The following PTPRN2 variants were observed in gnomAD, a reference collection of about 807,000 sequenced individuals.
PTPRN2 encodes the protein receptor-type tyrosine-protein phosphatase N2.
A neutral mutation model predicts 118.8 loss-of-function variants in PTPRN2; 74 were observed. That is an observed-to-expected ratio of 0.62 (90% CI 0.52 to 0.76). PTPRN2 has a LOEUF of 0.76. PTPRN2 is among the 30% of genes least tolerant of loss of function. The pLI is 0.00. For synonymous variants in PTPRN2, 641 were observed against 608.0 expected, an observed-to-expected ratio of 1.05 and a Z score of -0.80; for missense variants, 1,481 against 1,394.4, an observed-to-expected ratio of 1.06 and a Z score of -0.99.
At position 158,526,547 on chromosome 7, in the gene PTPRN2, G is replaced by C. The variant is rs1403843727; in HGVS notation, c.113-36762C>G. On this transcript the variant is annotated intron_variant, in intron 1 of 22. Transcript: ENST00000389418. The surrounding 1 kb of genome is among the most constrained non-coding windows in gnomAD (Gnocchi z 5.2). ...CCATTCCTGATCCCATTTCCTGTTT[G>C]TGGGTGTGATGGCTGAGTTGTGCAC... Among the ~76,000 whole-genome samples the C allele has an allele frequency of 1.3e-5, 2 of 152,176 alleles. No individual in the cohort carries two copies. Among genetic ancestry groups the C allele is most frequent in the East Asian group, 1.9e-4 (1 of 5,188 alleles).
chr7:158,499,785 ATGTGTGTGTG>A (rs760084326), intron 1 of PTPRN2, among the ~76,000 whole-genome samples: 4 of 143,706 alleles, frequency 2.8e-5, no homozygotes, highest in East Asian at 4.5e-4. Context: ...ATATGTGTGT[ATGTGTGTGTG>A]TGTGTGTGTG....
At chr7:158,584,147 G>C (rs74943110) in intron 1 of PTPRN2, among the ~76,000 whole-genome samples, 1,748 of 152,224 alleles carry the variant, frequency 0.011, 33 homozygotes, top group African/African-American at 0.035. Context: ...CTGGATTCTC[G>C]AAGCAAAATC....
At chr7:158,328,614 G>C (rs56699267) in intron 2 of PTPRN2, among the ~76,000 whole-genome samples, 3,197 of 152,232 alleles carry the variant, frequency 0.021, 106 homozygotes, top group African/African-American at 0.072. Context: ...AGCTTCCCTT[G>C]TGTGAGGAGC....
intron 17 of PTPRN2, among the ~76,000 whole-genome samples, chr7:157,581,909 C>T (rs772962598): frequency 3.9e-5 from 6 of 152,142 alleles, no homozygotes; most frequent in Non-Finnish European, 2.9e-5. Context: ...AGCGGCCACG[C>T]GCAGACAGGC....
chr7:158,454,875 A>G (rs932015235), intron 2 of PTPRN2, among the ~76,000 whole-genome samples: 1 of 152,178 alleles, frequency 6.6e-6, no homozygotes, highest in African/African-American at 2.4e-5. Flanking sequence ...TCAAAAACAG[A>G]GATGACGGCT....
chr7:157,559,442 C>G (rs1212053273), intron 21 of PTPRN2, among the ~76,000 whole-genome samples: 3 of 151,950 alleles, frequency 2.0e-5, no homozygotes, highest in South Asian at 4.2e-4. Flanking sequence ...GCTGGACGAG[C>G]AGAGGAATGA....
chr7:157,986,246 T>C lies in PTPRN2; in HGVS notation c.1724-87509A>G, dbSNP rs1418279990. Among the ~76,000 whole-genome samples the C allele has an allele frequency of 1.3e-5, 2 of 152,152 alleles. No homozygotes were observed. Among genetic ancestry groups the C allele is most frequent in the African/African-American group, 4.8e-5 (2 of 41,426 alleles). On this transcript the variant is annotated intron_variant, in intron 11 of 22. Transcript: ENST00000389418. This position sits in a 1 kb window ranked among gnomAD's most constrained non-coding sequence, Gnocchi z 4.5. ...ATGTCTGCCTCTGACGAGTCACTGT[T>C]GGATGTGAGGCAACGTGAAGGCTCC...
Position 157,611,648 on chromosome 7 carries a change from G to C in PTPRN2, c.2345-7573C>G, listed in dbSNP as rs1802345027. On this transcript the variant is annotated intron_variant, in intron 15 of 22. Transcript: ENST00000389418. The surrounding 1 kb of genome is among the most constrained non-coding windows in gnomAD (Gnocchi z 5.9). ...GGCCCTAATGCAATATGACTGGCGT[G>C]CTGTTAGGAAGAAGGACTCTGCACA... 6.6e-6 allele frequency among the ~76,000 whole-genome samples: 1 copy of C among 152,178 alleles called. No individual in the cohort carries two copies. Among genetic ancestry groups the C allele is most frequent in the Non-Finnish European group, 1.5e-5 (1 of 68,040 alleles).
chr7:157,799,818 ACCACAGCCGGCCCCC>A, intron 12 of PTPRN2, among the ~76,000 whole-genome samples: 3 of 126,144 alleles, frequency 2.4e-5, no homozygotes, highest in African/African-American at 9.4e-5. Context: ...CCTCAGAGGC[ACCACAGCCGGCCCCC>A]TCCATCCCTC....
chr7:157,713,336 G>A (rs577165715), intron 12 of PTPRN2, among the ~76,000 whole-genome samples: 9 of 152,284 alleles, frequency 5.9e-5, no homozygotes, highest in South Asian at 2.1e-4. Context: ...CCCACGGCAC[G>A]TTTCTAGAGA....
At chr7:158,496,168 C>A (rs1821828140) in intron 1 of PTPRN2, among the ~76,000 whole-genome samples, 1 of 151,746 alleles carries the variant, frequency 6.6e-6, no homozygotes, top group Non-Finnish European at 1.5e-5. Context: ...AAAGCCCAGT[C>A]CCAGTCTGGG....
intron 11 of PTPRN2, among the ~76,000 whole-genome samples, chr7:157,951,885 C>T (rs1338493496): frequency 6.6e-6 from 1 of 152,184 alleles, no homozygotes; most frequent in African/African-American, 2.4e-5. Context: ...GGCTGCCCCC[C>T]TCTCTTCATT....
At position 157,849,320 on chromosome 7, in the gene PTPRN2, G is replaced by A. The variant is rs577060898; in HGVS notation, c.1788+49353C>T. The stretch of plus-strand genomic sequence containing the variant: ...CACCGTCATTCCCAGTGTGTGAGCT[G>A]GGGCCATCCGGAAGTTGCGATTCAT... On this transcript the variant is annotated intron_variant, in intron 12 of 22. Transcript: ENST00000389418. 5.3e-5 allele frequency among the ~76,000 whole-genome samples: 8 copies of A among 152,332 alleles called. No homozygotes were observed. The East Asian group carries it at 1.5e-3, about 29-fold the overall frequency.
rs188429119 is a variant in PTPRN2, at chr7:157,695,808, A to G, written c.1789-12871T>C. Among the ~76,000 whole-genome samples, 446 of 152,382 alleles carry G rather than the reference A, an allele frequency of 2.9e-3. 2 individuals carry two copies. Among genetic ancestry groups the G allele is most frequent in the African/African-American group, 0.01 (430 of 41,592 alleles). ...AGTCCATTGCAACAATAGGGCAGTG[A>G]AACAACTGCATCTTAGTAGAGCCCT... is the stretch of plus-strand genomic sequence containing the variant. On this transcript the variant is annotated intron_variant, in intron 12 of 22. Coordinates refer to ENST00000389418, the MANE Select transcript of PTPRN2 (RefSeq NM_002847.5).
rs75297817 is a variant in PTPRN2, at chr7:158,483,225, T to A, written c.163+6510A>T. Among the ~76,000 whole-genome samples the A allele has an allele frequency of 7.4e-3, 1,127 of 152,368 alleles. 17 individuals carry two copies. The highest frequency in any genetic ancestry group is 0.026 in the African/African-American group (1,069 of 41,574). ...GGGTTTTCTCTTATTAATCTGTCTTTTGTTACAAGTCTCAGCCATGAACCT... is the reference window on the plus strand; with the variant it reads ...GGGTTTTCTCTTATTAATCTGTCTTATGTTACAAGTCTCAGCCATGAACCT... On this transcript the variant is annotated intron_variant, in intron 2 of 22. Transcript: ENST00000389418.
intron 11 of PTPRN2, among the ~76,000 whole-genome samples, chr7:158,002,490 C>T (rs1024617595): frequency 2.0e-5 from 3 of 152,240 alleles, no homozygotes; most frequent in East Asian, 1.9e-4. Context: ...GCCTCGTGAG[C>T]CGGATGGCAA....
rs187839593 is a variant in PTPRN2 at position 158,301,675 on chromosome 7, G to A, written c.277+15144C>T. ...TTAAGAACAATCCCATTTGCTGGGCGTGGTGGCCCATTCCTATAATCCCAG... is the reference window on the plus strand; with the variant it reads ...TTAAGAACAATCCCATTTGCTGGGCATGGTGGCCCATTCCTATAATCCCAG... On this transcript the variant is annotated intron_variant, in intron 3 of 22. Coordinates refer to ENST00000389418, the MANE Select transcript of PTPRN2 (RefSeq NM_002847.5). 4.2e-3 allele frequency among the ~76,000 whole-genome samples: 634 copies of A among 152,284 alleles called. 17 individuals are homozygous for A. Among genetic ancestry groups the A allele is most frequent in the Admixed American group, 0.038 (587 of 15,298 alleles).
At chr7:158,262,647 GCA>G (rs1448415325) in intron 3 of PTPRN2, among the ~76,000 whole-genome samples, 17 of 132,106 alleles carry the variant, frequency 1.3e-4, no homozygotes, top group Admixed American at 1.6e-4. Flanking sequence ...AACATTCACT[GCA>G]CACACTGACA....
chr7:157,976,543 A>G (rs994620320), intron 11 of PTPRN2, among the ~76,000 whole-genome samples: 3 of 150,770 alleles, frequency 2.0e-5, no homozygotes, highest in African/African-American at 7.3e-5. Context: ...AGCCTCCACC[A>G]TGAGGCCTCC....
Sources: allele counts gnomAD v4.1 joint callset (sites outside exome capture counted in the v4.1 genomes callset), GRCh38; gene constraint gnomAD v4.1.1; non-coding constraint Gnocchi (gnomAD v3.1); transcripts MANE v1.5; gene names NCBI Gene and HGNC (gene_info 2026-07-23, HGNC 2026-07-21).